The following CPQ variants were observed in gnomAD, a reference collection of about 807,000 sequenced individuals.
CPQ encodes Ser-Met dipeptidase.
A neutral mutation model predicts 45.7 loss-of-function variants in CPQ; 37 were observed. That is an observed-to-expected ratio of 0.81 (90% confidence interval 0.62 to 1.07). The LOEUF is 1.07. Ranked by LOEUF, CPQ falls within the 50% of genes least tolerant of loss-of-function variation. The probability of loss-of-function intolerance (pLI) is 0.00; values close to 1 mark genes in which losing one functional copy is unlikely to be tolerated. For missense variants in CPQ, 537 were observed against 572.9 expected, an observed-to-expected ratio of 0.94 and a Z score of 0.64; for synonymous variants, 186 against 205.8, an observed-to-expected ratio of 0.90 and a Z score of 0.82.
intron 1 of CPQ, among the ~76,000 whole-genome samples, chr8:96,661,121 T>C (rs919363719): frequency 2.0e-5 from 3 of 152,230 alleles, no homozygotes; most frequent in Non-Finnish European, 4.4e-5. Context: ...AATATTTTTA[T>C]TGTGACTTTT....
At chr8:97,103,033 A>G (rs1342604056) in intron 7 of CPQ, among the ~76,000 whole-genome samples, 1 of 151,940 alleles carries the variant, frequency 6.6e-6, no homozygotes, top group Non-Finnish European at 1.5e-5. Context: ...TATCACTCCA[A>G]TCATCTCTGC....
intron 4 of CPQ, among the ~76,000 whole-genome samples, chr8:96,964,707 C>G (rs527838448): frequency 6.6e-6 from 1 of 152,094 alleles, no homozygotes; most frequent in Non-Finnish European, 1.5e-5. Context: ...ACATGTTTAA[C>G]TCAAAATGTA....
At chr8:97,076,037 G>GT (rs1159911956) in intron 7 of CPQ, among the ~76,000 whole-genome samples, 1 of 151,866 alleles carries the variant, frequency 6.6e-6, no homozygotes, top group Non-Finnish European at 1.5e-5. Flanking sequence ...TTTGTTTTTT[G>GT]TTTTTTGAGA....
intron 4 of CPQ, among the ~76,000 whole-genome samples, chr8:96,884,836 C>A (rs370451405): frequency 2.6e-5 from 4 of 152,228 alleles, no homozygotes; most frequent in Middle Eastern, 3.4e-3. Context: ...TAACTTCTGC[C>A]TGACACAACC....
intron 2 of CPQ, among the ~76,000 whole-genome samples, chr8:96,817,789 T>A (rs767217413): frequency 2.6e-5 from 4 of 151,918 alleles, no homozygotes; most frequent in Non-Finnish European, 5.9e-5. Context: ...AATTTTAAAA[T>A]TTTTTTGTGG....
intron 2 of CPQ, among the ~76,000 whole-genome samples, chr8:96,824,620 T>A (rs1811353704): frequency 6.6e-6 from 1 of 151,990 alleles, no homozygotes; most frequent in Non-Finnish European, 1.5e-5. Context: ...GCTCGGGGAT[T>A]ACAAATGGTC....
rs369451299 is a variant in CPQ, at chr8:96,926,334, A to G, written c.850-39601A>G. Among the ~76,000 whole-genome samples, 4 of 152,160 alleles carry G rather than the reference A, an allele frequency of 2.6e-5. No individual in the cohort carries two copies. The East Asian group carries it at 7.7e-4, about 29-fold the overall frequency. On this transcript the variant is annotated intron_variant, in intron 4 of 7. Transcript: ENST00000220763. ...GTCTGTCTCTTTGTAGCTTCAAGCT[A>G]TTCTTCCTGTCTCTATCACTTTGGG...
chr8:97,058,959 A>G (rs1284120216), intron 6 of CPQ, among the ~76,000 whole-genome samples: 1 of 152,160 alleles, frequency 6.6e-6, no homozygotes, highest in African/African-American at 2.4e-5. Flanking sequence ...GATTTGCTAT[A>G]TAATACAAAT....
intron 4 of CPQ, among the ~76,000 whole-genome samples, chr8:96,934,787 G>C (rs79119545): frequency 2.6e-5 from 4 of 152,128 alleles, no homozygotes; most frequent in Admixed American, 2.0e-4. Flanking sequence ...TCAAAGCTTA[G>C]AGGGAGCTCG....
Position 96,880,576 on chromosome 8 carries a change from T to TATATACATAC in CPQ, c.849+572_849+573insTATACATACA, listed in dbSNP as rs1359946797. 2.6e-4 allele frequency among the ~76,000 whole-genome samples: 22 copies of TATATACATAC among 83,188 alleles called. 2 individuals are homozygous for TATATACATAC. Among genetic ancestry groups the TATATACATAC allele is most frequent in the Non-Finnish European group, 4.7e-4 (19 of 40,568 alleles). 54.6% of individuals were successfully genotyped at this position (83,188 alleles called of 152,430 possible). A position where few individuals can be genotyped will look rare whatever the true frequency, so the allele number is the denominator to read the frequency against. Reference sequence around the variant, plus strand: ...ATATATATATATATATATATATATATACCATGGAATACTACCCAGCCATAG... The same window carrying TATATACATAC: ...ATATATATATATATATATATATATATATATACATACACCATGGAATACTACCCAGCCATAG... On this transcript the variant is annotated intron_variant, in intron 4 of 7. Coordinates refer to ENST00000220763, the MANE Select transcript of CPQ (RefSeq NM_016134.4).
chr8:96,689,246 A>G (rs1809273592), intron 1 of CPQ, among the ~76,000 whole-genome samples: 2 of 152,166 alleles, frequency 1.3e-5, no homozygotes, highest in South Asian at 4.1e-4. Context: ...AGAAAAGGAT[A>G]AATTTGTGTA....
intron 4 of CPQ, among the ~76,000 whole-genome samples, chr8:96,907,687 T>C (rs1812596387): frequency 1.3e-5 from 2 of 152,036 alleles, no homozygotes; most frequent in Non-Finnish European, 2.9e-5. Context: ...AGCCTCTCTA[T>C]GGGCTTATAT....
rs1563586965 is a variant in CPQ at position 97,122,987 on chromosome 8, TAAAATAAAATAAAATA to T, written c.1256-20032_1256-20017del. The stretch of plus-strand genomic sequence containing the variant: ...AAAATAAAATAAAATAAAATTAAAA[TAAAATAAAATAAAATA>T]TAAAATAAAATAAAATAAAATAAAT... On this transcript the variant is annotated intron_variant, in intron 7 of 7. Coordinates refer to ENST00000220763, the MANE Select transcript of CPQ (RefSeq NM_016134.4). 7.2e-4 allele frequency among the ~76,000 whole-genome samples: 29 copies of T among 40,348 alleles called. 1 individual carries two copies. The highest frequency in any genetic ancestry group is 3.4e-3 in the African/African-American group (25 of 7,314). 26.5% of individuals were successfully genotyped at this position (40,348 alleles called of 152,430 possible).
intron 1 of CPQ, among the ~76,000 whole-genome samples, chr8:96,765,671 C>T (rs1239538328): frequency 6.6e-6 from 1 of 152,178 alleles, no homozygotes; most frequent in African/African-American, 2.4e-5. Flanking sequence ...TGGAGACTAT[C>T]CAGTAGGATC....
intron 6 of CPQ, among the ~76,000 whole-genome samples, chr8:97,048,995 C>T (rs1344889049): frequency 1.3e-5 from 2 of 152,134 alleles, no homozygotes; most frequent in Admixed American, 1.3e-4. Context: ...AAAGCTGCTA[C>T]CTTCAATTCT....
chr8:97,096,211 C>T (rs1563578918), intron 7 of CPQ, among the ~76,000 whole-genome samples: 1 of 152,048 alleles, frequency 6.6e-6, no homozygotes, highest in Non-Finnish European at 1.5e-5. Context: ...GTACCTTGGC[C>T]AATTCATATA....
intron 4 of CPQ, among the ~76,000 whole-genome samples, chr8:96,927,687 G>C (rs1812910321): frequency 6.6e-6 from 1 of 152,178 alleles, no homozygotes; most frequent in Non-Finnish European, 1.5e-5. Flanking sequence ...TGGAGGGAAG[G>C]TAAGGGGTCT....
At chr8:96,911,715 T>A (rs1021884411) in intron 4 of CPQ, among the ~76,000 whole-genome samples, 1 of 152,220 alleles carries the variant, frequency 6.6e-6, no homozygotes, top group African/African-American at 2.4e-5. Flanking sequence ...ACCCTACTAC[T>A]GACCATGTAT....
At chr8:96,882,083 A>G (rs538868233) in intron 4 of CPQ, among the ~76,000 whole-genome samples, 11 of 152,316 alleles carry the variant, frequency 7.2e-5, no homozygotes, top group Non-Finnish European at 1.3e-4. Flanking sequence ...CTCCCAGACT[A>G]AGGACTGGGA....
Sources: gnomAD v4.1 joint callset for allele counts (sites outside exome capture counted in the v4.1 genomes callset) on GRCh38, gnomAD v4.1.1 for gene constraint, MANE v1.5 for transcripts, NCBI Gene and HGNC (gene_info 2026-07-23, HGNC 2026-07-21) for gene names.